Variants in MCU observed in about 807,000 individuals in gnomAD.
The protein encoded by MCU is calcium uniporter protein, mitochondrial.
Under a neutral mutation model 45.2 loss-of-function variants are expected in MCU, and 12 were observed. The ratio of observed to expected loss-of-function variants is 0.27; its 90% CI spans 0.17 to 0.43. The LOEUF is 0.43. MCU is among the 20% of genes least tolerant of loss of function. The pLI is 1.00. For synonymous variants in MCU, 160 were observed against 165.1 expected, an observed-to-expected ratio of 0.97 and a Z score of 0.24; for missense variants, 324 against 436.7, an observed-to-expected ratio of 0.74 and a Z score of 2.30.
At chr10:72,822,448 G>A (rs950367873) in intron 1 of MCU, among the ~76,000 whole-genome samples, 6 of 152,066 alleles carry the variant, frequency 3.9e-5, no homozygotes, top group African/African-American at 1.4e-4. Context: ...CACACAAAAT[G>A]GACAAATTCC....
rs1286391041 is a variant in MCU, at chr10:72,745,429, A to G, written c.150+53128A>G. ...TTTTTAGTAGAAACAGCGTTTCACC[A>G]TGTTAGCCAGGCTGGTCTCGAACTC... On this transcript the variant is annotated intron_variant, in intron 1 of 7. Transcript: ENST00000373053. Among the ~76,000 whole-genome samples the G allele has an allele frequency of 3.3e-5, 5 of 152,268 alleles. No homozygotes were observed. The East Asian group carries it at 7.7e-4, about 24-fold the overall frequency.
In MCU at chr10:72,764,317, A is replaced by T. The variant is rs114432229; in HGVS notation, c.151-70042A>T. 2.5e-3 allele frequency among the ~76,000 whole-genome samples: 379 copies of T among 152,304 alleles called. 2 individuals carry two copies. The highest frequency in any genetic ancestry group is 8.8e-3 in the African/African-American group (366 of 41,566). On this transcript the variant is annotated intron_variant, in intron 1 of 7. Transcript: ENST00000373053. ...CAGTGTAATCTTGTCTGCAGAAGGA[A>T]CTTGTTATTTGAAGATATCAGAAAC...
chr10:72,693,573 G>T (rs911490087), intron 1 of MCU, among the ~76,000 whole-genome samples: 1 of 152,176 alleles, frequency 6.6e-6, no homozygotes, highest in Non-Finnish European at 1.5e-5. Context: ...GTGCCTGAAA[G>T]ATCTATGAAA....
At chr10:72,816,292 T>C (rs766970983) in intron 1 of MCU, among the ~76,000 whole-genome samples, 4 of 152,174 alleles carry the variant, frequency 2.6e-5, no homozygotes, top group Non-Finnish European at 2.9e-5. Flanking sequence ...CAGTGAAAAC[T>C]TTAAAATATT....
intron 1 of MCU, among the ~76,000 whole-genome samples, chr10:72,704,722 T>C (rs1157815807): frequency 7.0e-6 from 1 of 143,042 alleles, no homozygotes; most frequent in Non-Finnish European, 1.5e-5. Context: ...TTTTTTTTTT[T>C]TTTTTTTTTT....
intron 1 of MCU, among the ~76,000 whole-genome samples, chr10:72,700,364 A>G (rs1307448280): frequency 6.6e-6 from 1 of 152,164 alleles, no homozygotes; most frequent in African/African-American, 2.4e-5. Flanking sequence ...GCCCGGCCAA[A>G]TTCTTAAAGT....
At chr10:72,864,683 G>A (rs895776823) in intron 4 of MCU, among the ~76,000 whole-genome samples, 1 of 152,162 alleles carries the variant, frequency 6.6e-6, no homozygotes, top group African/African-American at 2.4e-5. Flanking sequence ...TTCAAAAGTT[G>A]CAGGGGGGTG....
At chr10:72,791,162 C>A (rs1433502039) in intron 1 of MCU, among the ~76,000 whole-genome samples, 1 of 151,946 alleles carries the variant, frequency 6.6e-6, no homozygotes, top group Non-Finnish European at 1.5e-5. Flanking sequence ...CCTTTGTTGC[C>A]CTGCCTTGTT....
At chr10:72,869,677 G>A (rs1405967552) in intron 5 of MCU, among the ~76,000 whole-genome samples, 1 of 152,088 alleles carries the variant, frequency 6.6e-6, no homozygotes, top group South Asian at 2.1e-4. Flanking sequence ...TGACTATATA[G>A]CATTTACATT....
chr10:72,733,049 G>GAAAA (rs1333912429), intron 1 of MCU, among the ~76,000 whole-genome samples: 3 of 152,196 alleles, frequency 2.0e-5, no homozygotes, highest in Admixed American at 6.5e-5. Context: ...ACAGGTTTTG[G>GAAAA]TGCCAGACTG....
chr10:72,777,545 AT>A (rs938714650), intron 1 of MCU, among the ~76,000 whole-genome samples: 1 of 152,238 alleles, frequency 6.6e-6, no homozygotes, highest in Admixed American at 6.5e-5. Context: ...CAAAATTCAC[AT>A]CAAAATGTAT....
intron 1 of MCU, among the ~76,000 whole-genome samples, chr10:72,789,088 T>G (rs1844119965): frequency 6.6e-6 from 1 of 152,124 alleles, no homozygotes. Context: ...CCTTGAGCCT[T>G]TAAGGAGTAG....
intron 2 of MCU, among the ~76,000 whole-genome samples, chr10:72,843,503 A>G (rs1203695130): frequency 6.6e-6 from 1 of 152,132 alleles, no homozygotes; most frequent in Non-Finnish European, 1.5e-5. Context: ...TCTTTTTAGC[A>G]CTGAATAATA....
intron 1 of MCU, among the ~76,000 whole-genome samples, chr10:72,779,559 T>G (rs1386770876): frequency 6.6e-6 from 1 of 152,204 alleles, no homozygotes; most frequent in African/African-American, 2.4e-5. Flanking sequence ...ATCCAGAATT[T>G]TTTTTAAAAA....
At chr10:72,730,293 G>A (rs566988870) in intron 1 of MCU, among the ~76,000 whole-genome samples, 1 of 146,576 alleles carries the variant, frequency 6.8e-6, no homozygotes, top group South Asian at 2.2e-4. Context: ...TTCTCCTATT[G>A]GTCCTTTCTT....
intron 2 of MCU, among the ~76,000 whole-genome samples, chr10:72,837,753 T>C (rs1039916404): frequency 1.3e-5 from 2 of 152,192 alleles, no homozygotes; most frequent in Admixed American, 6.5e-5. Context: ...TCCCTTCATG[T>C]TAGTGGAAGT....
intron 1 of MCU, among the ~76,000 whole-genome samples, chr10:72,693,826 G>T (rs576590368): frequency 6.6e-6 from 1 of 152,250 alleles, no homozygotes; most frequent in East Asian, 1.9e-4. Flanking sequence ...AATTTTGATT[G>T]CATTCCCCTT....
At chr10:72,737,170 A>G (rs1037292169) in intron 1 of MCU, among the ~76,000 whole-genome samples, 3 of 152,206 alleles carry the variant, frequency 2.0e-5, no homozygotes, top group Admixed American at 1.3e-4. Flanking sequence ...GTGTAGTTCA[A>G]ATTCTCCAGT....
chr10:72,782,806 C>T (rs1034610277), intron 1 of MCU, among the ~76,000 whole-genome samples: 3 of 152,112 alleles, frequency 2.0e-5, no homozygotes, highest in East Asian at 1.9e-4. Flanking sequence ...ATGTATTATT[C>T]GTATCTTGTC....
Sources: gnomAD v4.1 joint callset for allele counts (sites outside exome capture counted in the v4.1 genomes callset) on GRCh38, gnomAD v4.1.1 for gene constraint, MANE v1.5 for transcripts, NCBI Gene and HGNC (gene_info 2026-07-23, HGNC 2026-07-21) for gene names.